SLC12A5: variants seen among roughly 807,000 people sequenced by gnomAD.
SLC12A5 encodes K-Cl cotransporter 2.
Under a neutral mutation model 124.0 loss-of-function variants are expected in SLC12A5, and 18 were observed. The observed-to-expected ratio is 0.15, with a 90% CI of 0.10 to 0.22. The LOEUF is 0.22. Among genes scored for constraint, SLC12A5 ranks in the 10% least tolerant of loss-of-function variants. The pLI, the probability that SLC12A5 is intolerant of heterozygous loss-of-function variation, is 1.00. For synonymous variants in SLC12A5, 589 were observed against 568.0 expected, an observed-to-expected ratio of 1.04 and a Z score of -0.53; for missense variants, 867 against 1,478.7, an observed-to-expected ratio of 0.59 and a Z score of 6.78.
chr20:46,054,884 AC>A (rs1568868370), intron 20 of SLC12A5, 31 bp from the exon 21 acceptor site: 10 of 1,458,568 alleles, frequency 6.9e-6, no homozygotes, highest in Non-Finnish European at 9.5e-6. Context: ...TCCTCTCCCC[AC>A]CCCCCAACCC....
At chr20:46,036,578 GA>G in intron 4 of SLC12A5, 162 bp from the exon 5 acceptor site, 1 of 618,398 alleles carries the variant, frequency 1.6e-6, no homozygotes, top group Non-Finnish European at 2.8e-6. Flanking sequence ...TTCTTGAGAA[GA>G]AGGACTTGGC....
chr20:46,026,573 G>C (rs776433758), upstream of SLC12A5, among the ~76,000 whole-genome samples: 2 of 152,246 alleles, frequency 1.3e-5, no homozygotes, highest in Non-Finnish European at 2.9e-5. Flanking sequence ...CCTTGGGACT[G>C]TCTGCTCACT....
chr20:46,051,913 G>T, intron 18 of SLC12A5, 43 bp downstream of exon 18: 1 of 1,378,144 alleles, frequency 7.3e-7, no homozygotes, highest in African/African-American at 1.5e-5. Flanking sequence ...GGTGGGGCTG[G>T]GGGCTGTAGA....
At chr20:46,029,976 G>C (rs2084434479) in intron 1 of SLC12A5, among the ~76,000 whole-genome samples, 4 of 151,560 alleles carry the variant, frequency 2.6e-5, no homozygotes, top group Admixed American at 2.6e-4. Flanking sequence ...CCCCCCGTCC[G>C]GGCTGTGGTG....
In SLC12A5 at chr20:46,047,473, A is replaced by G; in HGVS notation, c.1807A>G (p.Met603Val). ...GTCTAGGACCCTCTCCTTCCTGGGCATGAGCCTCTGCCTGGCCCTCATGTT... is the reference window on the plus strand; with the variant it reads ...GTCTAGGACCCTCTCCTTCCTGGGCGTGAGCCTCTGCCTGGCCCTCATGTT... ...YYHWTLSFLG[M>V]SLCLALMFIC... The change falls in exon 15 of 26, where the codon ATG becomes GTG. Residue 603 changes from methionine (M) to valine (V), a missense_variant. This residue lies in a region of SLC12A5 where 152 missense variants were observed against 358.7 expected (regional missense o/e 0.42). Transcript: ENST00000243964. The G allele has an allele frequency of 6.2e-7, 1 of 1,614,026 alleles. No individual in the cohort carries two copies. Among genetic ancestry groups the G allele is most frequent in the Non-Finnish European group, 8.5e-7 (1 of 1,179,948 alleles).
chr20:46,052,879 C>T, intron 18 of SLC12A5, 78 bp from the exon 19 acceptor site: 1 of 1,466,758 alleles, frequency 6.8e-7, no homozygotes, highest in Non-Finnish European at 9.2e-7. Context: ...CTGCCAGGAG[C>T]CCTTGTGGCT....
chr20:46,036,488 T>G (rs1209696535), intron 4 of SLC12A5: 1 of 416,528 alleles, frequency 2.4e-6, no homozygotes, highest in Non-Finnish European at 4.5e-6. Flanking sequence ...GCAGCTGGTC[T>G]GAGACCAGGC....
At chr20:46,029,879 TGTGTGTGTGTGC>T (rs1374133306) in intron 1 of SLC12A5, among the ~76,000 whole-genome samples, 1 of 52,736 alleles carries the variant, frequency 1.9e-5, no homozygotes, top group Non-Finnish European at 4.7e-5. Flanking sequence ...TGTGTGTGTG[TGTGTGTGTGTGC>T]GCGCGCGTGC....
intron 18 of SLC12A5, among the ~76,000 whole-genome samples, chr20:46,052,323 C>T (rs1390486609): frequency 6.6e-6 from 1 of 152,244 alleles, no homozygotes; most frequent in Non-Finnish European, 1.5e-5. Flanking sequence ...AAGGCTTTCT[C>T]TGATTCTCTC....
chr20:46,053,079 G>A lies in SLC12A5; in HGVS notation c.2500G>A (p.Asp834Asn). 3 of 1,613,852 alleles carry A rather than the reference G, an allele frequency of 1.9e-6. No individual in the cohort carries two copies. The highest frequency in any genetic ancestry group is 2.2e-5 in the East Asian group (1 of 44,864). Residue 834 changes from aspartate to asparagine, a missense_variant, in exon 19 of 26, where the codon GAT becomes AAT. Asp to Asn is a conservative substitution (Grantham distance 23, BLOSUM62 1). This residue lies in a region of SLC12A5 where 70 missense variants were observed against 157.2 expected (regional missense o/e 0.45). Transcript: ENST00000243964. The surrounding 1 kb of genome is among the most constrained non-coding windows in gnomAD (Gnocchi z 4.7). ...CATCGACGTTTGGTGGATTGTGCAC[G>A]ATGGAGGCATGCTCATGCTGCTGCC... ...GSIDVWWIVHDGGMLMLLPFL... is the reference protein window; with the variant it reads ...GSIDVWWIVHNGGMLMLLPFL...
chr20:46,029,509 C>A, intron 1 of SLC12A5, 113 bp downstream of exon 1: 1 of 1,203,250 alleles, frequency 8.3e-7, no homozygotes, highest in Non-Finnish European at 1.1e-6. Context: ...GGGACTGACC[C>A]GGGCGGTGGG....
chr20:46,026,005 C>T (rs2084395172), upstream of SLC12A5, among the ~76,000 whole-genome samples: 1 of 152,172 alleles, frequency 6.6e-6, no homozygotes, highest in African/African-American at 2.4e-5. Context: ...TCCAACCAGC[C>T]CCTTGTCCTG....
chr20:46,053,243 G>A lies in SLC12A5; in HGVS notation c.2547+117G>A, dbSNP rs1023453525. 4.3e-5 allele frequency: 49 copies of A among 1,139,684 alleles called. No individual in the cohort carries two copies. The highest frequency in any genetic ancestry group is 2.8e-4 in the Middle Eastern group (1 of 3,538). 70.6% of individuals were successfully genotyped at this position (1,139,684 alleles called of 1,614,324 possible). A position where few individuals can be genotyped will look rare whatever the true frequency, so the allele number is the denominator to read the frequency against. ...GGGGCTCTGGCCAGGGTCAGCTTCC[G>A]TGTCCTTCCTCCCCTGTAAACTCCT... On this transcript the variant is annotated intron_variant, in intron 19 of 25. Transcript: ENST00000243964. The surrounding 1 kb of genome is among the most constrained non-coding windows in gnomAD (Gnocchi z 4.7).
rs531948258 is a variant in SLC12A5, at chr20:46,032,813, A to G, written c.53-2135A>G. 2.6e-5 allele frequency among the ~76,000 whole-genome samples: 4 copies of G among 152,292 alleles called. No individual in the cohort carries two copies. In the East Asian group the frequency reaches 7.7e-4, roughly 29 times the overall value. On this transcript the variant is annotated intron_variant, in intron 1 of 25. Coordinates refer to ENST00000243964, the MANE Select transcript of SLC12A5 (RefSeq NM_020708.5). The stretch of plus-strand genomic sequence containing the variant: ...TGAGAACAGGAGGCATACTATCAGC[A>G]TTTTAAAAGGACCTCTTCCTTGTTT...
intron 1 of SLC12A5, chr20:46,022,574 GGGAAGTTAGTATGGATCC>G: frequency 2.8e-6 from 1 of 352,964 alleles, no homozygotes; most frequent in Middle Eastern, 7.2e-4. Context: ...ACGGGAGGCA[GGGAAGTTAGTATGGATCC>G]TGGGCAGCGA....
At position 46,052,979 on chromosome 20, in the gene SLC12A5, T is replaced by G; in HGVS notation, c.2400T>G (p.Ala800=). The change falls in exon 19 of 26, where the codon GCT becomes GCG. Residue 800 remains alanine, a synonymous_variant. Coordinates refer to ENST00000243964, the MANE Select transcript of SLC12A5 (RefSeq NM_020708.5). ...NFIELVRETT[A]GHLALLVTKN... ...CAGAGCTGGTCCGGGAAACCACAGC[T>G]GGCCACTTAGCCCTGCTGGTCACCA... is the stretch of plus-strand genomic sequence containing the variant. 1 of 1,613,164 alleles carries G rather than the reference T, an allele frequency of 6.2e-7. No individual in the cohort carries two copies. Among genetic ancestry groups the G allele is most frequent in the Non-Finnish European group, 8.5e-7 (1 of 1,179,214 alleles).
chr20:46,032,810 A>G (rs1263680255), intron 1 of SLC12A5, among the ~76,000 whole-genome samples: 4 of 152,214 alleles, frequency 2.6e-5, no homozygotes, highest in Non-Finnish European at 4.4e-5. Context: ...GCATACTATC[A>G]GCATTTTAAA....
At chr20:46,047,642 G>A in intron 15 of SLC12A5, 69 bp downstream of exon 15, 4 of 1,567,370 alleles carry the variant, frequency 2.6e-6, no homozygotes, top group Non-Finnish European at 3.5e-6. Flanking sequence ...AGAGGGAAGG[G>A]GTCATGAGGG....
Position 46,035,483 on chromosome 20 carries a change from G to A in SLC12A5, c.227G>A (p.Arg76Lys). 1 of 1,613,926 alleles carries A rather than the reference G, an allele frequency of 6.2e-7. No individual in the cohort carries two copies. Among genetic ancestry groups the A allele is most frequent in the Non-Finnish European group, 8.5e-7 (1 of 1,179,966 alleles). Residue 76 changes from arginine (R) to lysine (K), a missense_variant, in exon 3 of 26, where the codon AGG (arginine) becomes AAG (lysine). Transcript: ENST00000243964. ...TACACCAACCTGCCCCAGGGAAGTA[G>A]GGAGCATGAAGAGGCAGAAAACAAT... The part of the protein sequence containing the change: ...ANYTNLPQGS[R>K]EHEEAENNEG...
Sources: allele counts gnomAD v4.1 joint callset (sites outside exome capture counted in the v4.1 genomes callset), GRCh38; gene constraint gnomAD v4.1.1; regional missense constraint gnomAD v4.1.1; non-coding constraint Gnocchi (gnomAD v3.1); transcripts MANE v1.5; gene names NCBI Gene and HGNC (gene_info 2026-07-23, HGNC 2026-07-21).